The following CHMP4B variants were observed in gnomAD, a reference collection of about 807,000 sequenced individuals.
CHMP4B encodes the protein SNF7 homolog associated with Alix 1.
In CHMP4B, 1 loss-of-function variant was observed where a neutral mutation model predicts 25.1. The ratio of observed to expected loss-of-function variants is 0.04; its 90% CI spans 0.01 to 0.19. CHMP4B has a LOEUF of 0.19. CHMP4B is among the 10% of genes least tolerant of loss of function. The pLI is 1.00. For missense variants in CHMP4B, 151 were observed against 289.7 expected (o/e 0.52, Z 3.48); for synonymous variants, 101 against 115.6 (o/e 0.87, Z 0.81).
Position 33,835,723 on chromosome 20 carries a change from A to G in CHMP4B, c.191-12744A>G, listed in dbSNP as rs1335764934. Among the ~76,000 whole-genome samples, 12 of 152,360 alleles carry G rather than the reference A, an allele frequency of 7.9e-5. 1 individual carries two copies. The East Asian group carries it at 2.3e-3, about 29-fold the overall frequency. ...CAGAGGCTGGGGTATGTATAAAGAA[A>G]AGAGGTTTATTTGGCTCACAGTTCT... On this transcript the variant is annotated intron_variant, in intron 1 of 4. Coordinates refer to ENST00000217402, the MANE Select transcript of CHMP4B (RefSeq NM_176812.5).
At chr20:33,816,512 T>C (rs1490567897) in intron 1 of CHMP4B, among the ~76,000 whole-genome samples, 1 of 152,202 alleles carries the variant, frequency 6.6e-6, no homozygotes, top group Non-Finnish European at 1.5e-5. Context: ...CACCCAAAGC[T>C]AGGTCTTTTT....
At chr20:33,850,668 A>G (rs1979821443) in intron 2 of CHMP4B, among the ~76,000 whole-genome samples, 1 of 152,256 alleles carries the variant, frequency 6.6e-6, no homozygotes, top group Non-Finnish European at 1.5e-5. Context: ...TGCGGTCTTA[A>G]TGTGATACCT....
At chr20:33,840,316 C>CAGGCA (rs1438061371) in intron 1 of CHMP4B, among the ~76,000 whole-genome samples, 1 of 151,272 alleles carries the variant, frequency 6.6e-6, no homozygotes, top group Non-Finnish European at 1.5e-5. Context: ...ATGTTGGACA[C>CAGGCA]AGGCAAGGAA....
intron 2 of CHMP4B, 43 bp from the exon 3 acceptor site, chr20:33,850,909 C>A: frequency 2.1e-6 from 3 of 1,435,774 alleles, no homozygotes; most frequent in Non-Finnish European, 2.9e-6. Context: ...CCCCTTTACG[C>A]AGCCTAATCG....
intron 1 of CHMP4B, among the ~76,000 whole-genome samples, chr20:33,845,711 C>A (rs552053967): frequency 1.3e-5 from 2 of 152,288 alleles, no homozygotes; most frequent in East Asian, 3.9e-4. Flanking sequence ...ACCTGTGGGA[C>A]ATTGGCACTT....
At chr20:33,819,720 C>G (rs1978881067) in intron 1 of CHMP4B, among the ~76,000 whole-genome samples, 1 of 152,208 alleles carries the variant, frequency 6.6e-6, no homozygotes, top group African/African-American at 2.4e-5. Context: ...AGTTCACATT[C>G]CACCTCTGCC....
At chr20:33,811,708 C>G in intron 1 of CHMP4B, 50 bp downstream of exon 1, 1 of 1,574,196 alleles carries the variant, frequency 6.4e-7, no homozygotes, top group East Asian at 2.3e-5. Flanking sequence ...CCCCAGGCTC[C>G]CCGGGCCCGG....
intron 1 of CHMP4B, among the ~76,000 whole-genome samples, chr20:33,825,988 C>T (rs1489646615): frequency 6.6e-6 from 1 of 152,082 alleles, no homozygotes; most frequent in Non-Finnish European, 1.5e-5. Context: ...AAGTTCCACC[C>T]AGTTTGGCAA....
intron 1 of CHMP4B, among the ~76,000 whole-genome samples, chr20:33,821,247 C>T (rs1003082860): frequency 5.9e-5 from 9 of 151,912 alleles, no homozygotes; most frequent in African/African-American, 1.7e-4. Flanking sequence ...ATTAGCTGGG[C>T]GTGGTGGCAG....
At chr20:33,823,077 C>T (rs1304000528) in intron 1 of CHMP4B, among the ~76,000 whole-genome samples, 1 of 152,058 alleles carries the variant, frequency 6.6e-6, no homozygotes, top group Non-Finnish European at 1.5e-5. Context: ...CATGAGCCAC[C>T]GCGCCCGGCC....
In CHMP4B at chr20:33,812,918, A is replaced by AT. The variant is rs544789628; in HGVS notation, c.190+1261dup. ...AGTGCCTGCTGCATGCGCTGTATTC[A>AT]TAGGGGTGAACAAAACACGGCCTCA... On this transcript the variant is annotated intron_variant, in intron 1 of 4. Transcript: ENST00000217402. Among the ~76,000 whole-genome samples the AT allele has an allele frequency of 2.5e-3, 387 of 152,340 alleles. 1 individual carries two copies. Among genetic ancestry groups the AT allele is most frequent in the African/African-American group, 9.2e-3 (382 of 41,576 alleles).
At chr20:33,812,354 T>TA (rs1220333594) in intron 1 of CHMP4B, among the ~76,000 whole-genome samples, 1 of 152,172 alleles carries the variant, frequency 6.6e-6, no homozygotes, top group Non-Finnish European at 1.5e-5. Context: ...AGCTTGACCT[T>TA]ACCAAAGTTT....
At chr20:33,811,764 A>AG in intron 1 of CHMP4B, 106 bp downstream of exon 1, 9 of 1,181,294 alleles carry the variant, frequency 7.6e-6, no homozygotes, top group African/African-American at 1.5e-5. Context: ...CTGACCCTGG[A>AG]ACTCTCCGGG....
chr20:33,830,958 T>TTTTTTTTTA (rs1256047941), intron 1 of CHMP4B, among the ~76,000 whole-genome samples: 1 of 150,502 alleles, frequency 6.6e-6, no homozygotes, highest in South Asian at 2.1e-4. Context: ...TTAGTTTTTT[T>TTTTTTTTTA]GAGACAGGGT....
At chr20:33,845,597 A>G (rs1157338476) in intron 1 of CHMP4B, among the ~76,000 whole-genome samples, 1 of 152,070 alleles carries the variant, frequency 6.6e-6, no homozygotes, top group African/African-American at 2.4e-5. Context: ...TGGTGGGATT[A>G]CAGGCGTGAG....
At chr20:33,836,290 T>G (rs1345347188) in intron 1 of CHMP4B, among the ~76,000 whole-genome samples, 1 of 152,134 alleles carries the variant, frequency 6.6e-6, no homozygotes, top group Non-Finnish European at 1.5e-5. Flanking sequence ...AATATTTCTG[T>G]CGTCCTATAT....
chr20:33,846,434 A>G (rs1979692080), intron 1 of CHMP4B, among the ~76,000 whole-genome samples: 1 of 152,138 alleles, frequency 6.6e-6, no homozygotes, highest in Admixed American at 6.5e-5. Context: ...ATCAAGGGAG[A>G]TTACGGATTC....
At chr20:33,813,002 G>T (rs927432487) in intron 1 of CHMP4B, among the ~76,000 whole-genome samples, 1 of 152,158 alleles carries the variant, frequency 6.6e-6, no homozygotes, top group African/African-American at 2.4e-5. Flanking sequence ...TTGTCCGGGG[G>T]TGATAAGTAC....
intron 1 of CHMP4B, among the ~76,000 whole-genome samples, chr20:33,820,219 G>T (rs1398118484): frequency 3.9e-5 from 6 of 151,924 alleles, no homozygotes; most frequent in Non-Finnish European, 8.8e-5. Context: ...GGACTCTTAG[G>T]CCCCATCCTG....
Sources: allele counts gnomAD v4.1 joint callset (sites outside exome capture counted in the v4.1 genomes callset), GRCh38; gene constraint gnomAD v4.1.1; transcripts MANE v1.5; gene names NCBI Gene and HGNC (gene_info 2026-07-23, HGNC 2026-07-21).